ATRNL1: variants seen among roughly 807,000 people sequenced by gnomAD.
ATRNL1 encodes attractin like 1.
A neutral mutation model predicts 182.7 loss-of-function variants in ATRNL1; 95 were observed. The ratio of observed to expected loss-of-function variants is 0.52; its 90% confidence interval spans 0.44 to 0.62. The LOEUF (loss-of-function observed/expected upper bound fraction) is 0.62, where lower values mean the gene tolerates loss of function less well. Ranked by LOEUF, ATRNL1 falls within the 20% of genes least tolerant of loss-of-function variation. The probability of loss-of-function intolerance (pLI) is 0.00; values close to 1 mark genes in which losing one functional copy is unlikely to be tolerated. For missense variants in ATRNL1, 1,471 were observed against 1,679.5 expected (o/e 0.88, Z 2.17); for synonymous variants, 576 against 568.3 (o/e 1.01, Z -0.19).
In ATRNL1 at chr10:115,281,350, T is replaced by C. The variant is rs781891857; in HGVS notation, c.2101-5T>C. 1 of 1,607,938 alleles carries C rather than the reference T, an allele frequency of 6.2e-7. No individual in the cohort carries two copies. Among genetic ancestry groups the C allele is most frequent in the Non-Finnish European group, 8.5e-7 (1 of 1,177,424 alleles). On this transcript the variant is annotated splice_region_variant and splice_polypyrimidine_tract_variant and intron_variant, in intron 13 of 28. Coordinates refer to ENST00000355044, the MANE Select transcript of ATRNL1 (RefSeq NM_207303.4). ...GAAAAATAACATGCTCTTTTAATTT[T>C]GTAGTCTGTCAAGAACTACACCAAA...
At chr10:115,804,388 G>A (rs1191462847) in intron 27 of ATRNL1, among the ~76,000 whole-genome samples, 2 of 152,120 alleles carry the variant, frequency 1.3e-5, no homozygotes, top group Admixed American at 6.6e-5. Context: ...GCCTCTGGGA[G>A]GTGGTTAGGT....
chr10:115,344,696 T>G (rs1420348753), intron 19 of ATRNL1, among the ~76,000 whole-genome samples: 3 of 152,216 alleles, frequency 2.0e-5, no homozygotes, highest in Admixed American at 1.3e-4. Context: ...TTCTCTAACA[T>G]AAGAGTTTTG....
chr10:115,151,846 G>A (rs1319521662), intron 5 of ATRNL1, among the ~76,000 whole-genome samples: 2 of 152,080 alleles, frequency 1.3e-5, no homozygotes, highest in Non-Finnish European at 2.9e-5. Flanking sequence ...TATAGTTTTA[G>A]GTCCAACATT....
chr10:115,106,046 A>G (rs1554865837), intron 1 of ATRNL1, among the ~76,000 whole-genome samples: 1 of 152,198 alleles, frequency 6.6e-6, no homozygotes, highest in East Asian at 1.9e-4. Context: ...AAAGCCGCAG[A>G]TGTTCAACGA....
At chr10:115,623,400 G>A (rs1298829890) in intron 26 of ATRNL1, among the ~76,000 whole-genome samples, 4 of 152,058 alleles carry the variant, frequency 2.6e-5, no homozygotes, top group Non-Finnish European at 4.4e-5. Context: ...ATGACAAAGA[G>A]GTAATTGAGG....
intron 10 of ATRNL1, among the ~76,000 whole-genome samples, chr10:115,251,176 C>T (rs114248094): frequency 6.6e-6 from 1 of 152,088 alleles, no homozygotes; most frequent in African/African-American, 2.4e-5. Flanking sequence ...GTTTGCCAAA[C>T]TGATGATTTA....
intron 28 of ATRNL1, among the ~76,000 whole-genome samples, chr10:115,922,821 A>G (rs1953106482): frequency 6.6e-6 from 1 of 152,132 alleles, no homozygotes; most frequent in Admixed American, 6.5e-5. Flanking sequence ...AGGAAAGAGC[A>G]ATATGTTAAG....
At chr10:115,719,456 G>A (rs1177992682) in intron 26 of ATRNL1, among the ~76,000 whole-genome samples, 1 of 152,170 alleles carries the variant, frequency 6.6e-6, no homozygotes, top group African/African-American at 2.4e-5. Flanking sequence ...GTGTTCACAA[G>A]TTGGAATTCT....
chr10:115,411,267 A>ATTAAATATTTAAATTTAAAATTTTAAT lies in ATRNL1; in HGVS notation c.3270-14977_3270-14951dup, dbSNP rs1554959848. On this transcript the variant is annotated intron_variant, in intron 20 of 28. Coordinates refer to ENST00000355044, the MANE Select transcript of ATRNL1 (RefSeq NM_207303.4). The stretch of plus-strand genomic sequence containing the variant: ...ATTATAAATTCAAATATTTAAATAA[A>ATTAAATATTTAAATTTAAAATTTTAAT]TTAAATATTTAAATTTAAAATTTTA... Among the ~76,000 whole-genome samples the ATTAAATATTTAAATTTAAAATTTTAAT allele has an allele frequency of 5.3e-5, 8 of 150,572 alleles. No homozygotes were observed. The South Asian group carries it at 1.0e-3, about 20-fold the overall frequency.
intron 28 of ATRNL1, among the ~76,000 whole-genome samples, chr10:115,906,023 C>CA (rs1392736630): frequency 6.6e-6 from 1 of 152,098 alleles, no homozygotes; most frequent in African/African-American, 2.4e-5. Flanking sequence ...GTAACAATAA[C>CA]AAAAAAATAA....
intron 1 of ATRNL1, among the ~76,000 whole-genome samples, chr10:115,104,838 A>G (rs1554865509): frequency 6.6e-6 from 1 of 152,158 alleles, no homozygotes; most frequent in Non-Finnish European, 1.5e-5. Context: ...CACCTTTGTC[A>G]AAAATGAGTT....
intron 26 of ATRNL1, among the ~76,000 whole-genome samples, chr10:115,676,590 A>G (rs1217321029): frequency 5.9e-5 from 9 of 151,956 alleles, no homozygotes; most frequent in Admixed American, 4.6e-4. Flanking sequence ...ATATGTATAT[A>G]TATATATATT....
At chr10:115,869,800 T>C (rs914404792) in intron 28 of ATRNL1, among the ~76,000 whole-genome samples, 2 of 152,148 alleles carry the variant, frequency 1.3e-5, no homozygotes, top group Non-Finnish European at 2.9e-5. Context: ...TTAATGAAGT[T>C]CTGTATTCTG....
chr10:115,567,221 G>A (rs1168167720), intron 26 of ATRNL1, among the ~76,000 whole-genome samples: 2 of 152,112 alleles, frequency 1.3e-5, no homozygotes, highest in African/African-American at 4.8e-5. Flanking sequence ...TTATTATCTA[G>A]AATCTTAATG....
At chr10:115,304,753 A>G (rs550028206) in intron 17 of ATRNL1, among the ~76,000 whole-genome samples, 3 of 152,234 alleles carry the variant, frequency 2.0e-5, no homozygotes, top group Non-Finnish European at 4.4e-5. Context: ...TGTTCTACAC[A>G]CATGGGGATA....
At chr10:115,262,902 C>G (rs1386744544) in intron 10 of ATRNL1, among the ~76,000 whole-genome samples, 1 of 151,930 alleles carries the variant, frequency 6.6e-6, no homozygotes, top group African/African-American at 2.4e-5. Flanking sequence ...AACTGTTGTA[C>G]ACTGCTAATG....
intron 26 of ATRNL1, among the ~76,000 whole-genome samples, chr10:115,675,444 A>T (rs1461776314): frequency 1.3e-5 from 2 of 152,002 alleles, no homozygotes; most frequent in African/African-American, 4.8e-5. Context: ...GAAGAAGAAA[A>T]GTTCATTTTC....
At chr10:115,549,114 A>G (rs1426338371) in intron 25 of ATRNL1, among the ~76,000 whole-genome samples, 1 of 152,070 alleles carries the variant, frequency 6.6e-6, no homozygotes, top group Non-Finnish European at 1.5e-5. Flanking sequence ...GGATTTATAA[A>G]ATTTCCATAT....
intron 27 of ATRNL1, among the ~76,000 whole-genome samples, chr10:115,738,154 T>TTTTTTTTTTTTTTATC (rs71010046): frequency 1.6e-5 from 1 of 63,870 alleles, no homozygotes; most frequent in South Asian, 6.7e-4. Context: ...TTTTTTTTTT[T>TTTTTTTTTTTTTTATC]TTGAGATGGA....
Sources: allele counts gnomAD v4.1 joint callset (sites outside exome capture counted in the v4.1 genomes callset), GRCh38; gene constraint gnomAD v4.1.1; transcripts MANE v1.5; gene names NCBI Gene and HGNC (gene_info 2026-07-23, HGNC 2026-07-21).